DNAH12: variants seen among roughly 807,000 people sequenced by gnomAD.
DNAH12 encodes the protein axonemal beta dynein heavy chain 12.
Under a neutral mutation model 371.5 loss-of-function variants are expected in DNAH12, and 285 were observed. The observed-to-expected ratio is 0.77, with a 90% CI of 0.70 to 0.85. The LOEUF (loss-of-function observed/expected upper bound fraction) is 0.85, where lower values mean the gene tolerates loss of function less well. Ranked by LOEUF, DNAH12 falls within the 40% of genes least tolerant of loss-of-function variation. DNAH12 has a pLI of 0.00. For synonymous variants in DNAH12, 1,200 were observed against 1,213.0 expected (o/e 0.99, Z 0.22); for missense variants, 3,611 against 3,689.4 (o/e 0.98, Z 0.55).
At chr3:57,427,906 G>T (rs1419398651) in intron 34 of DNAH12, among the ~76,000 whole-genome samples, 1 of 151,760 alleles carries the variant, frequency 6.6e-6, no homozygotes, top group African/African-American at 2.4e-5. Flanking sequence ...ATCAATTTCT[G>T]GTTTTTGGGT....
chr3:57,378,537 A>C (rs1161068574), intron 52 of DNAH12, among the ~76,000 whole-genome samples: 2 of 151,780 alleles, frequency 1.3e-5, no homozygotes, highest in Non-Finnish European at 2.9e-5. Flanking sequence ...AAGCTACCAT[A>C]TATTTTCATC....
chr3:57,539,407 A>T (rs1000817634), intron 2 of DNAH12, among the ~76,000 whole-genome samples: 2 of 152,150 alleles, frequency 1.3e-5, no homozygotes, highest in Admixed American at 1.3e-4. Context: ...GGTCTTTGTC[A>T]GTTCCTAGAA....
rs1352702723 is a variant in DNAH12, at chr3:57,310,904, TA to T, written c.10708del (p.Tyr3570ThrfsTer2). On this transcript the variant is annotated frameshift_variant, in exon 67 of 74. Coordinates refer to ENST00000495027, the MANE Select transcript of DNAH12 (RefSeq NM_001366028.2). LOFTEE classifies it high-confidence loss of function. ...TCCATAATTACACTCCCCAGTCAGGTAAGATATAGCTTCAAATGGAATTGTA... is the reference window on the plus strand; with the variant it reads ...TCCATAATTACACTCCCCAGTCAGGTAGATATAGCTTCAAATGGAATTGTA... ...YDTIPFEAIS[Y>X]LTGECNYGGR... The T allele has an allele frequency of 1.9e-6, 3 of 1,551,554 alleles. No individual in the cohort carries two copies. In the South Asian group the frequency reaches 3.6e-5, roughly 18 times the overall value.
At chr3:57,403,563 G>T (rs543270576) in intron 42 of DNAH12, 62 bp from the exon 43 acceptor site, 25 of 1,383,070 alleles carry the variant, frequency 1.8e-5, no homozygotes, top group Non-Finnish European at 2.3e-5. Flanking sequence ...ATAGTTACAT[G>T]TAACTATTGT....
chr3:57,437,418 G>A (rs1265585672), intron 29 of DNAH12, among the ~76,000 whole-genome samples: 1 of 152,076 alleles, frequency 6.6e-6, no homozygotes, highest in African/African-American at 2.4e-5. Flanking sequence ...AAACAAATAA[G>A]TTTTTTAAAA....
intron 62 of DNAH12, among the ~76,000 whole-genome samples, chr3:57,332,232 A>G (rs1400779007): frequency 4.6e-5 from 7 of 152,224 alleles, no homozygotes; most frequent in Non-Finnish European, 2.9e-5. Flanking sequence ...TTGTAATACT[A>G]TGATCACCTT....
intron 17 of DNAH12, among the ~76,000 whole-genome samples, chr3:57,463,363 C>G (rs749866641): frequency 6.6e-5 from 10 of 151,728 alleles, no homozygotes; most frequent in Non-Finnish European, 1.2e-4. Context: ...GTTATAAACA[C>G]ACATACATAG....
Position 57,446,523 on chromosome 3 carries a change from A to C in DNAH12, c.3939+14T>G, listed in dbSNP as rs1449927214. The stretch of plus-strand genomic sequence containing the variant: ...TTGAAACATTTAATATTATTGATTC[A>C]GCAATTTAACTACCTTTCCCATTGC... On this transcript the variant is annotated intron_variant, in intron 26 of 73. Transcript: ENST00000495027. 6.6e-7 allele frequency: 1 copy of C among 1,516,666 alleles called. No individual in the cohort carries two copies. The highest frequency in any genetic ancestry group is 8.8e-7 in the Non-Finnish European group (1 of 1,131,136). 94.0% of individuals were successfully genotyped at this position (1,516,666 alleles called of 1,614,324 possible). A position where few individuals can be genotyped will look rare whatever the true frequency, so the allele number is the denominator to read the frequency against.
chr3:57,327,286 C>A (rs972843349), intron 62 of DNAH12, among the ~76,000 whole-genome samples: 2 of 151,570 alleles, frequency 1.3e-5, no homozygotes, highest in Admixed American at 1.3e-4. Context: ...ACACCTATTC[C>A]AAAATTGACC....
intron 38 of DNAH12, among the ~76,000 whole-genome samples, chr3:57,414,427 T>A (rs138658681): frequency 0.026 from 3,907 of 152,272 alleles, 63 homozygotes; most frequent in Non-Finnish European, 0.034. Flanking sequence ...GGAGTACACA[T>A]GCAGGTTATA....
At chr3:57,506,541 A>T (rs1559732174) in intron 8 of DNAH12, among the ~76,000 whole-genome samples, 1 of 152,122 alleles carries the variant, frequency 6.6e-6, no homozygotes, top group Non-Finnish European at 1.5e-5. Context: ...TCTCGGTCTC[A>T]AACTATTCTC....
chr3:57,427,357 C>G (rs1383853471), intron 34 of DNAH12, among the ~76,000 whole-genome samples: 1 of 152,056 alleles, frequency 6.6e-6, no homozygotes, highest in South Asian at 2.1e-4. Context: ...GTCCTTGTAA[C>G]TGTCACATGG....
intron 43 of DNAH12, among the ~76,000 whole-genome samples, chr3:57,399,975 T>C (rs1217295378): frequency 3.3e-5 from 5 of 152,292 alleles, no homozygotes; most frequent in Admixed American, 3.3e-4. Flanking sequence ...CTATTAGTAG[T>C]TATGTTTTGG....
chr3:57,416,480 C>G (rs927507789), intron 37 of DNAH12, among the ~76,000 whole-genome samples: 1 of 152,112 alleles, frequency 6.6e-6, no homozygotes, highest in Admixed American at 6.5e-5. Context: ...TAATAATATG[C>G]TTAACTTTTC....
chr3:57,438,697 A>C (rs939823866), intron 29 of DNAH12, among the ~76,000 whole-genome samples: 4 of 152,026 alleles, frequency 2.6e-5, no homozygotes, highest in African/African-American at 4.8e-5. Context: ...CCACGTCTGT[A>C]ATCTCAGCAC....
intron 43 of DNAH12, 42 bp downstream of exon 43, chr3:57,403,267 T>C (rs1553679647): frequency 2.0e-6 from 3 of 1,504,850 alleles, no homozygotes; most frequent in Admixed American, 2.3e-5. Flanking sequence ...TAAAAGAATA[T>C]ACTGTTTTCA....
At chr3:57,495,832 A>G (rs530587492) in intron 11 of DNAH12, among the ~76,000 whole-genome samples, 1 of 142,066 alleles carries the variant, frequency 7.0e-6, no homozygotes, top group South Asian at 2.2e-4. Flanking sequence ...ATATATTTAT[A>G]TATATTTTAA....
chr3:57,361,444 C>CACTATACATATATATATATA (rs1409626573), intron 58 of DNAH12, among the ~76,000 whole-genome samples: 1 of 116,722 alleles, frequency 8.6e-6, no homozygotes, highest in African/African-American at 4.2e-5. Context: ...CACACACACA[C>CACTATACATATATATATATA]TATATATATA....
intron 12 of DNAH12, among the ~76,000 whole-genome samples, chr3:57,488,796 T>G (rs533003547): frequency 6.6e-6 from 1 of 152,286 alleles, no homozygotes; most frequent in East Asian, 1.9e-4. Context: ...AATTGGATGA[T>G]GAATTGGTTG....
Sources: gnomAD v4.1 joint callset for allele counts (sites outside exome capture counted in the v4.1 genomes callset) on GRCh38, gnomAD v4.1.1 for gene constraint, MANE v1.5 for transcripts, NCBI Gene and HGNC (gene_info 2026-07-23, HGNC 2026-07-21) for gene names.